The following PTH2R variants were observed in gnomAD, a reference collection of about 807,000 sequenced individuals.
The protein encoded by PTH2R is PTH2 receptor.
Under a neutral mutation model 60.3 loss-of-function variants are expected in PTH2R, and 59 were observed. The ratio of observed to expected loss-of-function variants is 0.98; its 90% CI spans 0.79 to 1.22. The LOEUF is 1.22. Among genes scored for constraint, PTH2R ranks in the 50% most tolerant of loss-of-function variants. The pLI is 0.00. For synonymous variants in PTH2R, 256 were observed against 243.8 expected (o/e 1.05, Z -0.47); for missense variants, 749 against 682.6 (o/e 1.10, Z -1.08).
rs1218867542 is a variant in PTH2R, at chr2:208,444,741, G to A, written c.707G>A (p.Cys236Tyr). ...CTGGTTTATTTGTAATAGATCGGGT[G>A]CAAGATTGCTGTTGTGATGTTTATT... is the stretch of plus-strand genomic sequence containing the variant. ...TSVDKSQYIG[C>Y]KIAVVMFIYF... Residue 236 changes from cysteine (C) to tyrosine (Y), a missense_variant, in exon 7 of 13, where the codon TGC (cysteine) becomes TAC (tyrosine). Cys to Tyr is a radical substitution (Grantham distance 194). Coordinates refer to ENST00000272847, the MANE Select transcript of PTH2R (RefSeq NM_005048.4). The A allele has an allele frequency of 2.5e-5, 41 of 1,613,418 alleles. 1 individual carries two copies. The highest frequency in any genetic ancestry group is 3.3e-5 in the Non-Finnish European group (39 of 1,179,672).
chr2:208,379,009 G>A (rs1450342823), intron 1 of PTH2R, among the ~76,000 whole-genome samples: 2 of 152,132 alleles, frequency 1.3e-5, no homozygotes, highest in Non-Finnish European at 2.9e-5. Flanking sequence ...TGAAGACACA[G>A]TGTTAACTGA....
intron 12 of PTH2R, among the ~76,000 whole-genome samples, chr2:208,492,211 ACT>A (rs1703419725): frequency 6.6e-6 from 1 of 152,180 alleles, no homozygotes; most frequent in African/African-American, 2.4e-5. Flanking sequence ...TTCTTTTCTC[ACT>A]CTGACTCCTT....
At chr2:208,372,722 A>G (rs1700724079) in intron 1 of PTH2R, among the ~76,000 whole-genome samples, 2 of 152,116 alleles carry the variant, frequency 1.3e-5, no homozygotes, top group Non-Finnish European at 2.9e-5. Context: ...AAAGGAAAAG[A>G]GTACACAAAG....
At chr2:208,365,551 T>C (rs1398897438) in intron 1 of PTH2R, among the ~76,000 whole-genome samples, 1 of 152,098 alleles carries the variant, frequency 6.6e-6, no homozygotes, top group Non-Finnish European at 1.5e-5. Context: ...TGGTGAATGA[T>C]CTTTTGAGTG....
chr2:208,459,810 G>A, intron 8 of PTH2R, 85 bp from the exon 9 acceptor site: 2 of 1,148,100 alleles, frequency 1.7e-6, no homozygotes, highest in South Asian at 1.3e-5. Context: ...TGGGGTTGGA[G>A]TTTTTGGTAA....
At chr2:208,364,539 T>G (rs1381643024) in intron 1 of PTH2R, among the ~76,000 whole-genome samples, 2 of 152,192 alleles carry the variant, frequency 1.3e-5, no homozygotes, top group Admixed American at 6.5e-5. Flanking sequence ...GTTGGCCATG[T>G]GTACACAAGT....
In PTH2R at chr2:208,437,562, T is replaced by G. The variant is rs1375066313; in HGVS notation, c.204T>G (p.Asp68Glu). ...AAGGTAATTGTTTCCCTGAATGGGA[T>G]GGACTCATTTGTTGGCCCAGAGGAA... Reference protein sequence around the residue: ...EGEGNCFPEWDGLICWPRGTV... With the variant: ...EGEGNCFPEWEGLICWPRGTV... The change falls in exon 3 of 13, where the codon GAT becomes GAG. Residue 68 changes from aspartate (D) to glutamate (E), a missense_variant. By Grantham distance (45) the Asp-to-Glu change is conservative. Transcript: ENST00000272847. 1 of 1,612,958 alleles carries G rather than the reference T, an allele frequency of 6.2e-7. No individual in the cohort carries two copies. The highest frequency in any genetic ancestry group is 8.5e-7 in the Non-Finnish European group (1 of 1,179,556).
chr2:208,475,576 A>C (rs1702983550), intron 9 of PTH2R, among the ~76,000 whole-genome samples: 1 of 152,158 alleles, frequency 6.6e-6, no homozygotes, highest in African/African-American at 2.4e-5. Context: ...TCAAGTTGGG[A>C]AGCATTTTGG....
intron 2 of PTH2R, among the ~76,000 whole-genome samples, chr2:208,433,991 A>G (rs760513721): frequency 2.6e-5 from 4 of 152,214 alleles, no homozygotes; most frequent in African/African-American, 4.8e-5. Flanking sequence ...TTGGATGGCA[A>G]TCTGATCAAG....
At chr2:208,430,771 T>TA (rs1701955896) in intron 2 of PTH2R, among the ~76,000 whole-genome samples, 3 of 152,270 alleles carry the variant, frequency 2.0e-5, no homozygotes, top group South Asian at 4.1e-4. Flanking sequence ...TTCACCATGT[T>TA]AGCCAGGATG....
At chr2:208,365,950 ATATATATATATTTTTTTTTTTTTTT>A (rs1559198793) in intron 1 of PTH2R, among the ~76,000 whole-genome samples, 3 of 16,782 alleles carry the variant, frequency 1.8e-4, no homozygotes, top group African/African-American at 6.4e-4. Context: ...ATATATATAT[ATATATATATATTTTTTTTTTTTTTT>A]TTTTTTTTTT....
At position 208,369,152 on chromosome 2, in the gene PTH2R, C is replaced by A. The variant is rs151199718; in HGVS notation, c.-259+8915C>A. ...CTTAACTTGGTCAATAAATAAAATA[C>A]ATTTCTATAGTAACCAAGGCTAAAT... On this transcript the variant is annotated intron_variant, in intron 1 of 12. Transcript: ENST00000617735. Among the ~76,000 whole-genome samples, 355 of 152,148 alleles carry A rather than the reference C, an allele frequency of 2.3e-3. 1 individual carries two copies. The highest frequency in any genetic ancestry group is 8.2e-3 in the African/African-American group (338 of 41,434).
chr2:208,416,317 T>A (rs1271998516), intron 1 of PTH2R, among the ~76,000 whole-genome samples: 1 of 152,248 alleles, frequency 6.6e-6, no homozygotes, highest in Admixed American at 6.5e-5. Flanking sequence ...GGTTATTTAT[T>A]GTATTATTTA....
At chr2:208,448,280 CTTG>C (rs1702330595) in intron 7 of PTH2R, among the ~76,000 whole-genome samples, 1 of 152,038 alleles carries the variant, frequency 6.6e-6, no homozygotes, top group Admixed American at 6.5e-5. Context: ...TGTTTGTTTT[CTTG>C]TTGTGATCAT....
At chr2:208,369,367 T>C (rs1264287223) in intron 1 of PTH2R, among the ~76,000 whole-genome samples, 3 of 45,766 alleles carry the variant, frequency 6.6e-5, no homozygotes, top group Non-Finnish European at 1.2e-4. Context: ...CTGGTCTCTC[T>C]CTCTTTTTTT....
chr2:208,490,038 C>T (rs1292546084), intron 11 of PTH2R, among the ~76,000 whole-genome samples: 1 of 152,158 alleles, frequency 6.6e-6, no homozygotes, highest in African/African-American at 2.4e-5. Context: ...CTACATTACT[C>T]TTTTTAAAAT....
intron 1 of PTH2R, among the ~76,000 whole-genome samples, chr2:208,412,390 A>C (rs67920705): frequency 0.088 from 11,774 of 134,196 alleles, 467 homozygotes; most frequent in African/African-American, 0.095. Context: ...TAGATCTATA[A>C]TTTGGCCTTC....
At chr2:208,479,612 C>T (rs1703099154) in intron 9 of PTH2R, among the ~76,000 whole-genome samples, 1 of 152,172 alleles carries the variant, frequency 6.6e-6, no homozygotes, top group African/African-American at 2.4e-5. Flanking sequence ...AGCTTTTCAC[C>T]TTCTTATTAA....
chr2:208,482,493 A>C (rs1240983382), intron 10 of PTH2R, among the ~76,000 whole-genome samples: 2 of 152,208 alleles, frequency 1.3e-5, no homozygotes, highest in East Asian at 1.9e-4. Context: ...CTTTAACATA[A>C]CATTTGTATG....
Sources: gnomAD v4.1 joint callset for allele counts (sites outside exome capture counted in the v4.1 genomes callset) on GRCh38, gnomAD v4.1.1 for gene constraint, MANE v1.5 for transcripts, NCBI Gene and HGNC (gene_info 2026-07-23, HGNC 2026-07-21) for gene names.